The following CHD2 variants were observed in gnomAD, a reference collection of about 807,000 sequenced individuals.
CHD2 encodes the protein ATP-dependent chromatin remodeler CHD2.
A neutral mutation model predicts 243.9 loss-of-function variants in CHD2; 28 were observed. The ratio of observed to expected loss-of-function variants is 0.11; its 90% CI spans 0.09 to 0.16. The LOEUF is 0.16. CHD2 is among the 10% of genes least tolerant of loss of function. CHD2 has a pLI of 1.00. For synonymous variants in CHD2, 775 were observed against 779.0 expected (o/e 0.99, Z 0.09); for missense variants, 1,386 against 2,209.8 (o/e 0.63, Z 7.47).
chr15:93,006,989 T>C (rs1030825764), intron 34 of CHD2, among the ~76,000 whole-genome samples: 1 of 152,252 alleles, frequency 6.6e-6, no homozygotes, highest in African/African-American at 2.4e-5. Context: ...CTACTACAAA[T>C]AGGCTACAGT....
At chr15:92,964,807 A>G (rs2053735372) in intron 16 of CHD2, among the ~76,000 whole-genome samples, 1 of 152,244 alleles carries the variant, frequency 6.6e-6, no homozygotes, top group South Asian at 2.1e-4. Context: ...TCATGTGCAA[A>G]TATATACTTC....
chr15:92,933,149 C>T (rs2053205440), intron 5 of CHD2, among the ~76,000 whole-genome samples: 1 of 151,490 alleles, frequency 6.6e-6, no homozygotes, highest in African/African-American at 2.4e-5. Context: ...AAGTGATCCT[C>T]TTGCTTCAGT....
At chr15:92,937,421 G>T in intron 5 of CHD2, 97 bp from the exon 6 acceptor site, 1 of 788,246 alleles carries the variant, frequency 1.3e-6, no homozygotes. Flanking sequence ...TGCATGTTCT[G>T]CCCTTTGGAT....
chr15:93,020,008 G>A lies in CHD2; in HGVS notation c.4907-4G>A. 1.2e-6 allele frequency: 2 copies of A among 1,605,892 alleles called. No homozygotes were observed. Among genetic ancestry groups the A allele is most frequent in the South Asian group, 2.2e-5 (2 of 90,800 alleles). On this transcript the variant is annotated splice_polypyrimidine_tract_variant and splice_region_variant and intron_variant, in intron 37 of 38. Transcript: ENST00000394196. ...TCATCAGATCATTCTTTCTTTTCCTGCAGATCGAGGAGACTGGCAGAGGGA... is the reference window on the plus strand; with the variant it reads ...TCATCAGATCATTCTTTCTTTTCCTACAGATCGAGGAGACTGGCAGAGGGA...
At chr15:92,964,221 T>G (rs1340040739) in intron 16 of CHD2, among the ~76,000 whole-genome samples, 2 of 105,310 alleles carry the variant, frequency 1.9e-5, no homozygotes, top group African/African-American at 5.9e-5. Context: ...TTTTTTTCTG[T>G]GAAAGAGATC....
At chr15:92,981,184 T>A (rs1056025723) in intron 23 of CHD2, among the ~76,000 whole-genome samples, 181 bp from the exon 24 acceptor site, 1 of 152,234 alleles carries the variant, frequency 6.6e-6, no homozygotes, top group Non-Finnish European at 1.5e-5. Context: ...TTGTATAAAT[T>A]ATAGTTTGAG....
At chr15:93,005,299 G>A (rs1232151782) in intron 34 of CHD2, among the ~76,000 whole-genome samples, 1 of 152,176 alleles carries the variant, frequency 6.6e-6, no homozygotes, top group African/African-American at 2.4e-5. Flanking sequence ...GTTGGGTTCT[G>A]AAGGAAGAAT....
intron 2 of CHD2, among the ~76,000 whole-genome samples, chr15:92,917,778 C>T (rs1258722759): frequency 6.6e-6 from 1 of 152,168 alleles, no homozygotes; most frequent in East Asian, 1.9e-4. Context: ...GGGGTGATAT[C>T]TTACACACGC....
At chr15:92,992,784 C>T in intron 27 of CHD2, 75 bp from the exon 28 acceptor site, 1 of 1,551,360 alleles carries the variant, frequency 6.4e-7, no homozygotes, top group South Asian at 1.1e-5. Context: ...TTATGTGAGG[C>T]CTAGTGGCAT....
At chr15:92,943,258 C>T (rs912790280) in intron 9 of CHD2, 190 bp downstream of exon 9, 3 of 576,386 alleles carry the variant, frequency 5.2e-6, no homozygotes, top group Non-Finnish European at 9.2e-6. Flanking sequence ...TATGTGGCTA[C>T]CAAGTTTTTG....
chr15:92,961,484 C>T (rs916130654), intron 16 of CHD2, among the ~76,000 whole-genome samples: 15 of 152,192 alleles, frequency 9.9e-5, no homozygotes, highest in African/African-American at 3.4e-4. Context: ...ACTGTAACCT[C>T]GAACTCCTGG....
intron 13 of CHD2, among the ~76,000 whole-genome samples, chr15:92,949,758 C>G (rs538503766): frequency 6.6e-6 from 1 of 152,304 alleles, no homozygotes; most frequent in South Asian, 2.1e-4. Context: ...GCTTGTTCCT[C>G]GGTGCTGAAA....
At chr15:92,927,481 AAG>A (rs2053084797) in intron 4 of CHD2, 151 bp downstream of exon 4, 1 of 555,718 alleles carries the variant, frequency 1.8e-6, no homozygotes, top group South Asian at 2.5e-5. Context: ...CAGATACAGT[AAG>A]GCAAGAAGTT....
At position 92,913,145 on chromosome 15, in the gene CHD2, G is replaced by C. The variant is rs905902819; in HGVS notation, c.63-11176G>C. ...TCAGCAATTCTAGGGTTGTGTCCAA[G>C]AATCTGTATGTTGAACAGCAACCTC... is the stretch of plus-strand genomic sequence containing the variant. On this transcript the variant is annotated intron_variant, in intron 2 of 38. Transcript: ENST00000394196. Among the ~76,000 whole-genome samples, 10 of 152,336 alleles carry C rather than the reference G, an allele frequency of 6.6e-5. No homozygotes were observed. In the East Asian group the frequency reaches 9.6e-4, roughly 15 times the overall value.
At chr15:93,002,038 C>T in intron 32 of CHD2, 139 bp from the exon 33 acceptor site, 1 of 1,147,658 alleles carries the variant, frequency 8.7e-7, no homozygotes, top group Admixed American at 2.8e-5. Flanking sequence ...CTCTGAGTCC[C>T]TTGAGGCTAT....
chr15:92,987,322 G>C (rs1356459230), intron 26 of CHD2, among the ~76,000 whole-genome samples: 7 of 152,072 alleles, frequency 4.6e-5, no homozygotes, highest in African/African-American at 1.7e-4. Context: ...ATTTGGCCAG[G>C]CATGGTGGTT....
intron 16 of CHD2, chr15:92,965,263 A>C (rs2053741829): frequency 6.6e-6 from 1 of 152,138 alleles, no homozygotes; most frequent in South Asian, 2.1e-4. Flanking sequence ...TTTTCTAAAG[A>C]ATCTGATAGT....
At chr15:92,918,737 T>C (rs1555436855) in intron 2 of CHD2, among the ~76,000 whole-genome samples, 3 of 151,914 alleles carry the variant, frequency 2.0e-5, no homozygotes, top group Non-Finnish European at 1.5e-5. Context: ...TTTTAGGAAA[T>C]GTCGTTTTTT....
intron 34 of CHD2, among the ~76,000 whole-genome samples, chr15:93,006,911 A>G (rs571318832): frequency 6.6e-6 from 1 of 152,212 alleles, no homozygotes; most frequent in Non-Finnish European, 1.5e-5. Context: ...ATGTTATTCT[A>G]CAATTTATTC....
Sources: allele counts gnomAD v4.1 joint callset (sites outside exome capture counted in the v4.1 genomes callset), GRCh38; gene constraint gnomAD v4.1.1; transcripts MANE v1.5; gene names NCBI Gene and HGNC (gene_info 2026-07-23, HGNC 2026-07-21).